Variants in ECT2 observed in about 807,000 individuals in gnomAD.
ECT2 encodes epithelial cell transforming 2.
Under a neutral mutation model 116.9 loss-of-function variants are expected in ECT2, and 61 were observed. That is an observed-to-expected ratio of 0.52 (90% CI 0.42 to 0.65). The LOEUF (loss-of-function observed/expected upper bound fraction) is 0.65. Ranked by LOEUF, ECT2 falls within the 30% of genes least tolerant of loss-of-function variation. ECT2 has a pLI of 0.00. For synonymous variants in ECT2, 358 were observed against 346.4 expected, an observed-to-expected ratio of 1.03 and a Z score of -0.37; for missense variants, 937 against 1,078.7, an observed-to-expected ratio of 0.87 and a Z score of 1.84.
chr3:172,805,954 A>C (rs1253807784), intron 21 of ECT2, 85 bp downstream of exon 21: 3 of 1,386,026 alleles, frequency 2.2e-6, no homozygotes, highest in Non-Finnish European at 2.0e-6. Context: ...GGCTTTTTTA[A>C]ATTGGTAAAT....
chr3:172,820,370 T>C lies in ECT2; in HGVS notation c.*133T>C. On this transcript the variant is annotated 3_prime_UTR_variant, in exon 25 of 25. Transcript: ENST00000392692. Reference sequence around the variant, plus strand: ...AGATAAATAACACTAAACTATGCTATTTGATTTTTCTTCTTGAAAGAGTAA... The same window carrying C: ...AGATAAATAACACTAAACTATGCTACTTGATTTTTCTTCTTGAAAGAGTAA... 1 of 487,582 alleles carries C rather than the reference T, an allele frequency of 2.1e-6. No homozygotes were observed. Among genetic ancestry groups the C allele is most frequent in the Non-Finnish European group, 3.4e-6 (1 of 295,182 alleles). The allele number at this position is 487,582 out of a possible 1,614,324, so 30.2% of individuals were successfully genotyped here. A position where few individuals can be genotyped will look rare whatever the true frequency, so the allele number is the denominator to read the frequency against.
intron 13 of ECT2, among the ~76,000 whole-genome samples, chr3:172,770,092 T>C (rs1720322849): frequency 6.6e-6 from 1 of 152,190 alleles, no homozygotes; most frequent in African/African-American, 2.4e-5. Flanking sequence ...GGTTAATTAT[T>C]TGTTTAGGAG....
chr3:172,824,225 G>C (rs1340499295), downstream of ECT2, among the ~76,000 whole-genome samples: 2 of 152,170 alleles, frequency 1.3e-5, no homozygotes, highest in Non-Finnish European at 2.9e-5. Flanking sequence ...CCTGAGACTG[G>C]ATAATTTATA....
At position 172,754,601 on chromosome 3, in the gene ECT2, C is replaced by A; in HGVS notation, c.71C>A (p.Ser24Tyr). 1 of 1,611,416 alleles carries A rather than the reference C, an allele frequency of 6.2e-7. No homozygotes were observed. The highest frequency in any genetic ancestry group is 8.5e-7 in the Non-Finnish European group (1 of 1,178,326). Residue 24 changes from serine (S) to tyrosine (Y), a missense_variant, in exon 2 of 25, where the codon TCT becomes TAT. Physicochemically the swap from Ser to Tyr is moderately radical, Grantham distance 144. Transcript: ENST00000392692. ...TTGGCAGACTCTTCCATTTTTGATT[C>A]TAAAGTTACTGAGATTTCCAAGGAA... ...TSLADSSIFD[S>Y]KVTEISKENL...
At chr3:172,801,466 G>A (rs1162518706) in intron 18 of ECT2, among the ~76,000 whole-genome samples, 1 of 152,126 alleles carries the variant, frequency 6.6e-6, no homozygotes, top group East Asian at 1.9e-4. Flanking sequence ...ACTGAGCACT[G>A]TTAACTCTGA....
intron 14 of ECT2, among the ~76,000 whole-genome samples, chr3:172,778,769 G>C (rs945907263): frequency 6.6e-5 from 10 of 151,618 alleles, no homozygotes; most frequent in African/African-American, 2.4e-4. Flanking sequence ...CTAGTTTTTT[G>C]TATTTTTAGT....
chr3:172,815,770 C>G, intron 23 of ECT2, 59 bp downstream of exon 23: 3 of 1,089,002 alleles, frequency 2.8e-6, no homozygotes, highest in Non-Finnish European at 4.1e-6. Flanking sequence ...AGACTATATT[C>G]AAATAATATT....
At chr3:172,784,589 A>T in intron 16 of ECT2, 118 bp from the exon 17 acceptor site, 1 of 711,578 alleles carries the variant, frequency 1.4e-6, no homozygotes, top group Non-Finnish European at 2.4e-6. Context: ...GAGAAATTCC[A>T]CTTCTTCTCT....
At chr3:172,780,909 A>G (rs1047796015) in intron 14 of ECT2, among the ~76,000 whole-genome samples, 10 of 152,058 alleles carry the variant, frequency 6.6e-5, no homozygotes, top group Non-Finnish European at 1.3e-4. Context: ...CTTGAGTTGT[A>G]AGGGTTCTCT....
chr3:172,828,715 T>C, the ECT2 span: 1 of 484,240 alleles, frequency 2.1e-6, no homozygotes, highest in Non-Finnish European at 3.8e-6. Flanking sequence ...GACGGACAGG[T>C]GGCCCCCATG....
At chr3:172,756,834 GC>G (rs1717081785) in intron 4 of ECT2, 148 bp from the exon 5 acceptor site, 2 of 640,726 alleles carry the variant, frequency 3.1e-6, no homozygotes, top group Admixed American at 7.3e-5. Context: ...TAAGTGTAAT[GC>G]TGATTATTGT....
intron 13 of ECT2, among the ~76,000 whole-genome samples, chr3:172,773,470 G>T (rs1448105853): frequency 6.6e-6 from 1 of 151,968 alleles, no homozygotes; most frequent in Non-Finnish European, 1.5e-5. Flanking sequence ...AGATCTTCTA[G>T]CTTCAAATCC....
At chr3:172,825,954 C>A (rs183842182), downstream of ECT2, among the ~76,000 whole-genome samples, 64 of 152,296 alleles carry the variant, frequency 4.2e-4, 1 homozygote, top group Admixed American at 1.9e-3. Context: ...AGTGCAATGG[C>A]GCGATCTCGG....
chr3:172,781,933 G>A (rs970672795), intron 14 of ECT2, among the ~76,000 whole-genome samples: 6 of 152,200 alleles, frequency 3.9e-5, no homozygotes, highest in Non-Finnish European at 8.8e-5. Context: ...TGGAAAGTTA[G>A]GCTTATCGAC....
intron 11 of ECT2, among the ~76,000 whole-genome samples, chr3:172,763,912 C>T (rs1368574187): frequency 3.9e-5 from 6 of 152,202 alleles, no homozygotes; most frequent in Non-Finnish European, 8.8e-5. Flanking sequence ...AAGTGTTACT[C>T]AGCACATATT....
intron 13 of ECT2, among the ~76,000 whole-genome samples, chr3:172,770,385 T>C (rs2108467987): frequency 6.6e-6 from 1 of 152,350 alleles, no homozygotes; most frequent in East Asian, 1.9e-4. Context: ...AAAACTCCTT[T>C]TAAAAAATCT....
At chr3:172,800,528 A>G (rs973971617) in intron 18 of ECT2, among the ~76,000 whole-genome samples, 1 of 152,162 alleles carries the variant, frequency 6.6e-6, no homozygotes, top group African/African-American at 2.4e-5. Context: ...TATGCCCTGA[A>G]TTATAATTCT....
chr3:172,762,959 A>C lies in ECT2; in HGVS notation c.1055A>C (p.Tyr352Ser). The change falls in exon 11 of 25, where the codon TAT (tyrosine) becomes TCT (serine). Residue 352 changes from tyrosine (Y) to serine (S), a missense_variant. By Grantham distance (144) the Tyr-to-Ser change is moderately radical (BLOSUM62 -2). Coordinates refer to ENST00000392692, the MANE Select transcript of ECT2 (RefSeq NM_001258315.2). Reference sequence around the variant, plus strand: ...GATGCCCGAGCTGGAGAAACTATGTATTTATATGAAAAGGTATGCTTTTAA... The same window carrying C: ...GATGCCCGAGCTGGAGAAACTATGTCTTTATATGAAAAGGTATGCTTTTAA... ...QMDARAGETMYLYEKANTPEL... is the reference protein window; with the variant it reads ...QMDARAGETMSLYEKANTPEL... 1 of 1,613,796 alleles carries C rather than the reference A, an allele frequency of 6.2e-7. No homozygotes were observed. Among genetic ancestry groups the C allele is most frequent in the Non-Finnish European group, 8.5e-7 (1 of 1,179,808 alleles).
At chr3:172,754,706 C>T (rs575276736) in intron 2 of ECT2, 46 bp downstream of exon 2, 26 of 1,438,350 alleles carry the variant, frequency 1.8e-5, no homozygotes, top group Admixed American at 4.3e-5. Context: ...TATTTTAATT[C>T]TAAACTTATT....
Sources: allele counts gnomAD v4.1 joint callset (sites outside exome capture counted in the v4.1 genomes callset), GRCh38; gene constraint gnomAD v4.1.1; transcripts MANE v1.5; gene names NCBI Gene and HGNC (gene_info 2026-07-23, HGNC 2026-07-21).